The following C8orf34 variants were observed in gnomAD, a reference collection of about 807,000 sequenced individuals.
C8orf34 encodes the protein uncharacterized protein C8orf34.
A neutral mutation model predicts 68.3 loss-of-function variants in C8orf34; 65 were observed. That is an observed-to-expected ratio of 0.95 (90% CI 0.78 to 1.17). The LOEUF (loss-of-function observed/expected upper bound fraction) is 1.17. Among genes scored for constraint, C8orf34 ranks in the 50% most tolerant of loss-of-function variants. C8orf34 has a pLI of 0.00. For synonymous variants in C8orf34, 244 were observed against 241.2 expected (o/e 1.01, Z -0.11); for missense variants, 664 against 655.4 (o/e 1.01, Z -0.14).
intron 10 of C8orf34, among the ~76,000 whole-genome samples, chr8:68,745,654 G>T (rs1261831085): frequency 6.6e-6 from 1 of 152,078 alleles, no homozygotes; most frequent in African/African-American, 2.4e-5. Flanking sequence ...TTACATAATG[G>T]TAAAGGGATC....
chr8:68,561,299 T>C (rs994435589), intron 7 of C8orf34, among the ~76,000 whole-genome samples: 1 of 152,106 alleles, frequency 6.6e-6, no homozygotes, highest in African/African-American at 2.4e-5. Flanking sequence ...TTAATTTTTG[T>C]TAACTCTTTG....
intron 8 of C8orf34, among the ~76,000 whole-genome samples, chr8:68,704,414 C>T (rs150260985): frequency 7.9e-5 from 12 of 152,068 alleles, no homozygotes; most frequent in African/African-American, 2.2e-4. Context: ...AAAGCAAAAG[C>T]GGTTTGGAGT....
rs1824302746 is a variant in C8orf34, at chr8:68,800,613, G to C, written c.1549+13077G>C. 2.6e-5 allele frequency among the ~76,000 whole-genome samples: 4 copies of C among 152,102 alleles called. No homozygotes were observed. In the South Asian group the frequency reaches 8.3e-4, roughly 31 times the overall value. ...TTACCTGAAGTTCCAAAGTATACAT[G>C]ACTACTTCCTATAAATGGATTGCAA... On this transcript the variant is annotated intron_variant, in intron 12 of 13. Coordinates refer to ENST00000518698, the MANE Select transcript of C8orf34 (RefSeq NM_052958.4).
intron 7 of C8orf34, among the ~76,000 whole-genome samples, chr8:68,562,641 G>C (rs1816467859): frequency 6.6e-6 from 1 of 152,134 alleles, no homozygotes; most frequent in Admixed American, 6.6e-5. Context: ...TTTTGTTGTT[G>C]TTGTTGTTTG....
At chr8:68,407,301 G>A (rs750497040) in intron 1 of C8orf34, among the ~76,000 whole-genome samples, 6 of 151,620 alleles carry the variant, frequency 4.0e-5, no homozygotes, top group Admixed American at 3.3e-4. Context: ...GTTCATGTCT[G>A]AAAATATCCT....
intron 8 of C8orf34, among the ~76,000 whole-genome samples, chr8:68,642,975 C>T (rs1158751257): frequency 1.3e-5 from 2 of 152,258 alleles, no homozygotes; most frequent in Admixed American, 6.5e-5. Flanking sequence ...TGACAGGAGG[C>T]GGAGCTCAGG....
At chr8:68,516,125 T>TA (rs145958505) in intron 5 of C8orf34, among the ~76,000 whole-genome samples, 8,344 of 152,254 alleles carry the variant, frequency 0.055, 247 homozygotes, top group Middle Eastern at 0.12. Context: ...ATATTTCATT[T>TA]AAAAAAATGA....
At position 68,745,216 on chromosome 8, in the gene C8orf34, C is replaced by A. The variant is rs542443571; in HGVS notation, c.1404+23779C>A. ...TTTTGTCACCACCAGGCCTGCCCTA[C>A]AAGAGCTCCTGAAGGAAGCGCTAAA... On this transcript the variant is annotated intron_variant, in intron 10 of 13. Transcript: ENST00000518698. Among the ~76,000 whole-genome samples, 4 of 152,092 alleles carry A rather than the reference C, an allele frequency of 2.6e-5. No individual in the cohort carries two copies. In the South Asian group the frequency reaches 6.2e-4, roughly 24 times the overall value.
At chr8:68,510,794 T>A (rs776863585) in intron 5 of C8orf34, among the ~76,000 whole-genome samples, 1 of 152,184 alleles carries the variant, frequency 6.6e-6, no homozygotes, top group African/African-American at 2.4e-5. Context: ...GAATCTCAGA[T>A]AAGGCCTTAA....
At chr8:68,813,311 C>T (rs1824710222) in intron 12 of C8orf34, among the ~76,000 whole-genome samples, 1 of 151,852 alleles carries the variant, frequency 6.6e-6, no homozygotes, top group African/African-American at 2.4e-5. Flanking sequence ...AAGTGATTTC[C>T]ATGCAAGAAA....
At chr8:68,460,827 A>G (rs1811783117) in intron 3 of C8orf34, among the ~76,000 whole-genome samples, 1 of 150,776 alleles carries the variant, frequency 6.6e-6, no homozygotes, top group Non-Finnish European at 1.5e-5. Flanking sequence ...AGTAGATAAA[A>G]CCACAAAGAT....
At chr8:68,582,556 G>T (rs1201126592) in intron 7 of C8orf34, among the ~76,000 whole-genome samples, 1 of 152,092 alleles carries the variant, frequency 6.6e-6, no homozygotes, top group Admixed American at 6.6e-5. Flanking sequence ...CTTTAGGGAA[G>T]ATTGAGGGGT....
chr8:68,584,597 T>C (rs1021224735), intron 7 of C8orf34, among the ~76,000 whole-genome samples: 2 of 152,138 alleles, frequency 1.3e-5, no homozygotes, highest in African/African-American at 4.8e-5. Flanking sequence ...CTGGGAATCA[T>C]TAGTCATAAT....
intron 10 of C8orf34, among the ~76,000 whole-genome samples, chr8:68,751,552 A>G (rs913978347): frequency 2.0e-5 from 3 of 152,216 alleles, no homozygotes; most frequent in South Asian, 2.1e-4. Flanking sequence ...GAATCTCAAT[A>G]GTAAGTTAAA....
intron 8 of C8orf34, among the ~76,000 whole-genome samples, chr8:68,693,481 G>A (rs570484698): frequency 2.2e-4 from 33 of 152,196 alleles, no homozygotes; most frequent in African/African-American, 7.7e-4. Flanking sequence ...TGAAAAGTAG[G>A]TGAAATAGAT....
chr8:68,745,827 G>A lies in C8orf34; in HGVS notation c.1404+24390G>A, dbSNP rs1822471363. 5.3e-5 allele frequency among the ~76,000 whole-genome samples: 8 copies of A among 152,168 alleles called. No individual in the cohort carries two copies. In the South Asian group the frequency reaches 1.2e-3, roughly 24 times the overall value. On this transcript the variant is annotated intron_variant, in intron 10 of 13. Transcript: ENST00000518698. The stretch of plus-strand genomic sequence containing the variant: ...CACTATCAACATTAGACAGATCAAC[G>A]AGACAGAAAGTCAACAAGGATACCC...
At chr8:68,741,809 T>C (rs115184008) in intron 10 of C8orf34, among the ~76,000 whole-genome samples, 1,924 of 152,362 alleles carry the variant, frequency 0.013, 38 homozygotes, top group African/African-American at 0.044. Flanking sequence ...GATCTCATTC[T>C]TTTGTATAGA....
intron 5 of C8orf34, among the ~76,000 whole-genome samples, chr8:68,516,797 C>T (rs1282774271): frequency 3.9e-5 from 6 of 152,096 alleles, no homozygotes; most frequent in Middle Eastern, 3.4e-3. Flanking sequence ...TGTGCCACCA[C>T]GCCCAGCTAA....
At chr8:68,476,941 A>G (rs1041514058) in intron 4 of C8orf34, among the ~76,000 whole-genome samples, 9 of 152,176 alleles carry the variant, frequency 5.9e-5, no homozygotes, top group African/African-American at 1.9e-4. Context: ...CTGGGTTGTA[A>G]TTCAGAGTTA....
Sources: allele counts gnomAD v4.1 joint callset (sites outside exome capture counted in the v4.1 genomes callset), GRCh38; gene constraint gnomAD v4.1.1; transcripts MANE v1.5; gene names NCBI Gene and HGNC (gene_info 2026-07-23, HGNC 2026-07-21).